WNK2: variants seen among roughly 807,000 people sequenced by gnomAD.
WNK2 encodes the protein WNK lysine deficient protein kinase 2, also known as serine/threonine-protein kinase WNK2.
Under a neutral mutation model 192.1 loss-of-function variants are expected in WNK2, and 67 were observed. That is an observed-to-expected ratio of 0.35 (90% CI 0.29 to 0.43). The LOEUF (loss-of-function observed/expected upper bound fraction) is 0.43. Among genes scored for constraint, WNK2 ranks in the 20% least tolerant of loss-of-function variants. WNK2 has a pLI of 1.00. For synonymous variants in WNK2, 1,439 were observed against 1,393.9 expected (o/e 1.03, Z -0.72); for missense variants, 2,698 against 3,089.7 (o/e 0.87, Z 3.01).
At chr9:93,249,907 A>ATTTTTTTTTT (rs58293954) in intron 8 of WNK2, among the ~76,000 whole-genome samples, 5 of 85,444 alleles carry the variant, frequency 5.9e-5, no homozygotes, top group East Asian at 3.7e-4. Flanking sequence ...GATGCTACCA[A>ATTTTTTTTTT]TTTTTTTTTT....
Position 93,290,025 on chromosome 9 carries a change from G to A in WNK2, c.4914G>A (p.Gln1638=), listed in dbSNP as rs1421287800. The A allele has an allele frequency of 2.5e-6, 4 of 1,577,218 alleles. No homozygotes were observed. In the Admixed American group the frequency reaches 5.4e-5, roughly 21 times the overall value. Residue 1638 remains glutamine (Q), a synonymous_variant, in exon 21 of 30, where the codon CAG becomes CAA. Coordinates refer to ENST00000427277, the MANE Select transcript of WNK2 (RefSeq NM_006648.4). The stretch of plus-strand genomic sequence containing the variant: ...CCACTCGAGGGGCCGTGATGGAGCA[G>A]GGCACGTCCTCGTCAATGACAGGTA... ...LAPTRGAVME[Q]GTSSSMTAES...
At chr9:93,306,676 T>G (rs915612940) in intron 26 of WNK2, 101 bp from the exon 27 acceptor site, 1 of 1,452,798 alleles carries the variant, frequency 6.9e-7, no homozygotes, top group African/African-American at 1.4e-5. Flanking sequence ...TGTCTGCCCC[T>G]CCCTGCACAC....
Position 93,292,680 on chromosome 9 carries a change from A to T in WNK2, c.5215A>T (p.Ser1739Cys). 3 of 1,572,974 alleles carry T rather than the reference A, an allele frequency of 1.9e-6. No homozygotes were observed. The highest frequency in any genetic ancestry group is 8.6e-7 in the Non-Finnish European group (1 of 1,161,124). The change falls in exon 23 of 30, where the codon AGC becomes TGC. Residue 1739 changes from serine (S) to cysteine (C), a missense_variant. Around this residue, in one of 7 missense-constraint regions of WNK2, gnomAD observed 1,098 missense variants for 1,101.0 expected, o/e 1.00. Coordinates refer to ENST00000427277, the MANE Select transcript of WNK2 (RefSeq NM_006648.4). Reference protein sequence around the residue: ...PRKRPEQQDVSSPAKTVGRFS... With the variant: ...PRKRPEQQDVCSPAKTVGRFS... ...GAAACGTCCAGAGCAGCAGGATGTC[A>T]GCTCACCAGCCAAGACTGTGGGCCG...
At position 93,256,234 on chromosome 9, in the gene WNK2, C is replaced by T. The variant is rs925841196; in HGVS notation, c.2035-65C>T. ...AGGGATGACATGAGGCTACCCTGCC[C>T]CTGCCCAGGAGGGGGCCTGGTGGCC... On this transcript the variant is annotated intron_variant, in intron 9 of 29. Transcript: ENST00000427277. 13 of 1,421,214 alleles carry T rather than the reference C, an allele frequency of 9.1e-6. No homozygotes were observed. In the African/African-American group the frequency reaches 1.0e-4, roughly 11 times the overall value. 88.0% of individuals were successfully genotyped at this position (1,421,214 alleles called of 1,614,324 possible). A position where few individuals can be genotyped will look rare whatever the true frequency, so the allele number is the denominator to read the frequency against.
chr9:93,244,665 C>T lies in WNK2; in HGVS notation c.1543-2878C>T, dbSNP rs570331425. On this transcript the variant is annotated intron_variant, in intron 7 of 29. Coordinates refer to ENST00000427277, the MANE Select transcript of WNK2 (RefSeq NM_006648.4). ...CCACGCCCTGGATATGACCCCGAGG[C>T]CACGTGGAGCCTTAGGAATGGCCTC... Among the ~76,000 whole-genome samples the T allele has an allele frequency of 1.3e-3, 193 of 152,288 alleles. 2 individuals carry two copies. The highest frequency in any genetic ancestry group is 0.01 in the Middle Eastern group (3 of 294).
rs1046842528 is a variant in WNK2, at chr9:93,218,432, G to T, written c.682-11264G>T. The stretch of plus-strand genomic sequence containing the variant: ...ATGCAGGGGTGGCCGCCTGGCCTGT[G>T]CCCGCCGGGCTCCCAGTTACCTTGG... On this transcript the variant is annotated intron_variant, in intron 2 of 29. Coordinates refer to ENST00000427277, the MANE Select transcript of WNK2 (RefSeq NM_006648.4). Among the ~76,000 whole-genome samples the T allele has an allele frequency of 3.5e-4, 54 of 152,284 alleles. 1 individual carries two copies. The Middle Eastern group carries it at 0.021, about 58-fold the overall frequency.
intron 2 of WNK2, among the ~76,000 whole-genome samples, chr9:93,188,040 C>T (rs902001683): frequency 2.0e-5 from 3 of 152,100 alleles, no homozygotes; most frequent in Non-Finnish European, 4.4e-5. Context: ...TGCACATGAC[C>T]GCTAGCATTC....
chr9:93,256,431 C>T lies in WNK2; in HGVS notation c.2167C>T (p.Gln723Ter). Residue 723 changes from glutamine (Q) to a stop codon, truncating the protein, a stop_gained, in exon 10 of 30, where the codon CAG (glutamine) becomes TAG (stop). Transcript: ENST00000427277. LOFTEE classifies it high-confidence loss of function. ...CACCCCCATGCCCACGGGCCCAGGC[C>T]AGCCAGCACCCCCCGGCCAGCAGGT... ...PSTPMPTGPG[Q>*]PAPPGQQPPP... 1 of 1,533,716 alleles carries T rather than the reference C, an allele frequency of 6.5e-7. No individual in the cohort carries two copies. The highest frequency in any genetic ancestry group is 8.7e-7 in the Non-Finnish European group (1 of 1,145,286).
At chr9:93,204,850 CTTGGGG>C (rs1833090297) in intron 2 of WNK2, among the ~76,000 whole-genome samples, 1 of 151,936 alleles carries the variant, frequency 6.6e-6, no homozygotes, top group Non-Finnish European at 1.5e-5. Flanking sequence ...TGGGCAGAGC[CTTGGGG>C]CTGTGTGTTT....
chr9:93,208,891 C>T (rs1485493478), intron 2 of WNK2, among the ~76,000 whole-genome samples: 1 of 151,928 alleles, frequency 6.6e-6, no homozygotes, highest in African/African-American at 2.4e-5. Flanking sequence ...GCATGTTCTA[C>T]AAGTTGTGTG....
intron 26 of WNK2, 69 bp from the exon 27 acceptor site, chr9:93,306,708 G>A (rs1304302230): frequency 3.8e-6 from 6 of 1,593,210 alleles, no homozygotes; most frequent in Non-Finnish European, 4.3e-6. Context: ...GCTTAGTGTG[G>A]TAGCGTGTCC....
rs778869141 is a variant in WNK2 at position 93,256,307 on chromosome 9, G to A, written c.2043G>A (p.Leu681=). 5 of 1,563,166 alleles carry A rather than the reference G, an allele frequency of 3.2e-6. No individual in the cohort carries two copies. In the Admixed American group the frequency reaches 8.9e-5, roughly 28 times the overall value. Residue 681 remains leucine (L), a synonymous_variant, in exon 10 of 30, where the codon TTG becomes TTA. Transcript: ENST00000427277. ...CCTGGTGCTCTCTGCAGCCTGGCTTGCCGGTGGGCTCTGTCCCGGCCCCCG... is the reference window on the plus strand; with the variant it reads ...CCTGGTGCTCTCTGCAGCCTGGCTTACCGGTGGGCTCTGTCCCGGCCCCCG... The part of the protein sequence containing the change: ...AYQQPTAAPG[L]PVGSVPAPAC...
At position 93,259,116 on chromosome 9, in the gene WNK2, G is replaced by A; in HGVS notation, c.2568G>A (p.Leu856=). ...PLPPASPALP[L]QAVKLPHPPG... ...CCCCTGCGTCCCCAGCCTTGCCTCT[G>A]CAGGCTGTGAAGCTGCCCCACCCCC... The change falls in exon 12 of 30, where the codon CTG becomes CTA. Residue 856 remains leucine (L), a synonymous_variant. Coordinates refer to ENST00000427277, the MANE Select transcript of WNK2 (RefSeq NM_006648.4). This position sits in a 1 kb window ranked among gnomAD's most constrained non-coding sequence, Gnocchi z 4.8. 1 of 1,611,614 alleles carries A rather than the reference G, an allele frequency of 6.2e-7. No individual in the cohort carries two copies. The highest frequency in any genetic ancestry group is 8.5e-7 in the Non-Finnish European group (1 of 1,179,196).
intron 28 of WNK2, 56 bp downstream of exon 28, chr9:93,308,640 G>T: frequency 2.0e-6 from 3 of 1,491,932 alleles, no homozygotes; most frequent in Non-Finnish European, 2.7e-6. Flanking sequence ...CTTGCCTCCA[G>T]CATTTGCTAG....
chr9:93,280,169 C>T (rs1474199363), intron 19 of WNK2, among the ~76,000 whole-genome samples: 1 of 152,080 alleles, frequency 6.6e-6, no homozygotes, highest in Admixed American at 6.5e-5. Context: ...GGTCTTGTAT[C>T]CAGATATCAG....
intron 5 of WNK2, among the ~76,000 whole-genome samples, chr9:93,235,498 G>A (rs868007058): frequency 3.5e-4 from 54 of 152,350 alleles, no homozygotes; most frequent in Middle Eastern, 3.4e-3. Context: ...TTTTGCTGTC[G>A]CTGTGATTTT....
chr9:93,315,664 T>G (rs1854514959), intron 28 of WNK2: 1 of 152,204 alleles, frequency 6.6e-6, no homozygotes, highest in African/African-American at 2.4e-5. Flanking sequence ...TCAGACTACC[T>G]CCTCTTCAGA....
chr9:93,188,707 G>A (rs945621031), intron 2 of WNK2, among the ~76,000 whole-genome samples: 2 of 152,188 alleles, frequency 1.3e-5, no homozygotes, highest in African/African-American at 4.8e-5. Flanking sequence ...AGGGTGCGGG[G>A]TAGCCTGGGG....
intron 2 of WNK2, among the ~76,000 whole-genome samples, chr9:93,222,174 AC>A (rs1837031438): frequency 6.6e-6 from 1 of 150,636 alleles, no homozygotes; most frequent in Non-Finnish European, 1.5e-5. Flanking sequence ...GCCCCTTCCC[AC>A]CCCCTTTTTT....
Sources: allele counts gnomAD v4.1 joint callset (sites outside exome capture counted in the v4.1 genomes callset), GRCh38; gene constraint gnomAD v4.1.1; regional missense constraint gnomAD v4.1.1; non-coding constraint Gnocchi (gnomAD v3.1); transcripts MANE v1.5; gene names NCBI Gene and HGNC (gene_info 2026-07-23, HGNC 2026-07-21).